PLSCR2: variants seen among roughly 807,000 people sequenced by gnomAD.
PLSCR2 encodes PL scramblase 2.
In PLSCR2, 18 loss-of-function variants were observed where a neutral mutation model predicts 25.3. The ratio of observed to expected loss-of-function variants is 0.71; its 90% CI spans 0.49 to 1.06. The LOEUF (loss-of-function observed/expected upper bound fraction) is 1.06. Ranked by LOEUF, PLSCR2 falls within the 50% of genes least tolerant of loss-of-function variation. The pLI, the probability that PLSCR2 is intolerant of heterozygous loss-of-function variation, is 0.00. For synonymous variants in PLSCR2, 88 were observed against 87.3 expected (o/e 1.01, Z -0.04); for missense variants, 243 against 269.5 (o/e 0.90, Z 0.69).
rs929181304 is a variant in PLSCR2, at chr3:146,449,660, C to T, written c.484-293G>A. ...TATGTTTTATTTATTTGAATTTAAC[C>T]CAAACAAAATTTAAGCAGAAAAGGA... On this transcript the variant is annotated intron_variant, in intron 5 of 6. Transcript: ENST00000610787. 2.4e-4 allele frequency among the ~76,000 whole-genome samples: 36 copies of T among 151,582 alleles called. 1 individual carries two copies. Among genetic ancestry groups the T allele is most frequent in the Non-Finnish European group, 1.0e-4 (7 of 67,906 alleles).
intron 6 of PLSCR2, among the ~76,000 whole-genome samples, chr3:146,446,562 A>C (rs1037504491): frequency 6.6e-6 from 1 of 152,100 alleles, no homozygotes; most frequent in Non-Finnish European, 1.5e-5. Context: ...GTGACACAAA[A>C]ACCCATGTGA....
downstream of PLSCR2, among the ~76,000 whole-genome samples, chr3:146,439,693 G>A (rs2040116475): frequency 1.3e-5 from 2 of 152,046 alleles, no homozygotes; most frequent in East Asian, 1.9e-4. Context: ...AAGGTTTTTA[G>A]CTTCTTTGTG....
intron 2 of PLSCR2, chr3:146,416,587 T>G (rs2108060525): frequency 6.6e-6 from 1 of 152,310 alleles, no homozygotes; most frequent in Admixed American, 6.5e-5. Flanking sequence ...TAAATAGCCA[T>G]AAACTGGATT....
chr3:146,427,686 A>G (rs1208438145), intron 2 of PLSCR2, among the ~76,000 whole-genome samples: 1 of 152,206 alleles, frequency 6.6e-6, no homozygotes, highest in Non-Finnish European at 1.5e-5. Flanking sequence ...TTAGTTTAAA[A>G]GTCACCACCC....
At chr3:146,413,258 A>G (rs1276089813) in intron 2 of PLSCR2, among the ~76,000 whole-genome samples, 1 of 152,252 alleles carries the variant, frequency 6.6e-6, no homozygotes, top group East Asian at 1.9e-4. Flanking sequence ...CTTGATGAAC[A>G]GTACCTGGCT....
intron 2 of PLSCR2, among the ~76,000 whole-genome samples, chr3:146,418,529 G>A (rs1224861110): frequency 1.3e-5 from 2 of 152,106 alleles, no homozygotes; most frequent in Non-Finnish European, 2.9e-5. Context: ...GTTCAAAGAG[G>A]GAGAATATAG....
At chr3:146,435,709 C>T (rs933661040) in intron 8 of PLSCR2, among the ~76,000 whole-genome samples, 5 of 152,030 alleles carry the variant, frequency 3.3e-5, no homozygotes, top group African/African-American at 1.2e-4. Context: ...AAATTTTCTC[C>T]CATTTTGTAG....
chr3:146,408,239 C>A lies in PLSCR2; in HGVS notation c.101-12318G>T, dbSNP rs1283573791. 3.3e-5 allele frequency among the ~76,000 whole-genome samples: 5 copies of A among 152,246 alleles called. No individual in the cohort carries two copies. The East Asian group carries it at 5.8e-4, about 18-fold the overall frequency. On this transcript the variant is annotated intron_variant and NMD_transcript_variant, in intron 2 of 3. Coordinates refer to the PLSCR2 transcript ENST00000463633. ...TCTCTTAGATAAATAGGCCACTGGG[C>A]AACTCTAGGGTCTTAAAGTCTGGAG...
At chr3:146,427,547 T>G (rs2039398036) in intron 2 of PLSCR2, among the ~76,000 whole-genome samples, 1 of 152,178 alleles carries the variant, frequency 6.6e-6, no homozygotes, top group Non-Finnish European at 1.5e-5. Flanking sequence ...GCACCGGCAA[T>G]GCACACAAGA....
downstream of PLSCR2, among the ~76,000 whole-genome samples, chr3:146,429,603 A>C (rs1034215309): frequency 6.6e-6 from 1 of 151,892 alleles, no homozygotes; most frequent in Admixed American, 6.6e-5. Flanking sequence ...GGGAGAAAAG[A>C]AATAACTTAA....
chr3:146,495,940 A>T, upstream of PLSCR2: 1 of 1,533,844 alleles, frequency 6.5e-7, no homozygotes. Context: ...TCGGCCCACA[A>T]TCCAGAGTCT....
At chr3:146,424,748 T>A (rs367983609) in intron 2 of PLSCR2, among the ~76,000 whole-genome samples, 28 of 151,448 alleles carry the variant, frequency 1.8e-4, no homozygotes, top group African/African-American at 6.8e-4. Context: ...GGATGTAAAT[T>A]ATCTCTTTGT....
intron 3 of PLSCR2, among the ~76,000 whole-genome samples, chr3:146,458,032 A>C (rs2041321314): frequency 6.6e-6 from 1 of 152,200 alleles, no homozygotes; most frequent in Non-Finnish European, 1.5e-5. Flanking sequence ...TCTCTAGATT[A>C]CTTATAATAC....
At chr3:146,425,265 G>T (rs972258146) in intron 2 of PLSCR2, among the ~76,000 whole-genome samples, 4 of 152,062 alleles carry the variant, frequency 2.6e-5, no homozygotes, top group African/African-American at 9.7e-5. Context: ...TTAAGAAGCT[G>T]CTACCACATT....
In PLSCR2 at chr3:146,459,758, A is replaced by G. The variant is rs1290555884; in HGVS notation, c.57+90T>C. ...TAATTAATTAATAAGCAGTAAATAA[A>G]TAAGTATCACTTAACCATAATTACT... On this transcript the variant is annotated intron_variant, in intron 2 of 6. Transcript: ENST00000610787. The G allele has an allele frequency of 4.6e-6, 4 of 878,508 alleles. No homozygotes were observed. The Admixed American group carries it at 1.0e-4, about 22-fold the overall frequency. 54.4% of individuals were successfully genotyped at this position (878,508 alleles called of 1,614,324 possible).
chr3:146,448,495 A>C (rs2040695451), intron 6 of PLSCR2, among the ~76,000 whole-genome samples: 1 of 152,176 alleles, frequency 6.6e-6, no homozygotes, highest in African/African-American at 2.4e-5. Flanking sequence ...TTGGTTTAAT[A>C]AATTTGGATG....
intron 2 of PLSCR2, among the ~76,000 whole-genome samples, chr3:146,408,046 A>G (rs1316207439): frequency 6.6e-6 from 1 of 152,178 alleles, no homozygotes; most frequent in African/African-American, 2.4e-5. Flanking sequence ...GGATGCGAGC[A>G]TTTGACATCC....
At chr3:146,450,921 T>C (rs1400322992) in intron 5 of PLSCR2, among the ~76,000 whole-genome samples, 3 of 151,712 alleles carry the variant, frequency 2.0e-5, no homozygotes, top group African/African-American at 4.8e-5. Context: ...AATAATGACA[T>C]GCATATACAG....
At chr3:146,462,067 C>G (rs1274919550), upstream of PLSCR2, 4 of 535,796 alleles carry the variant, frequency 7.5e-6, no homozygotes, top group Non-Finnish European at 1.3e-5. Flanking sequence ...TGAAATAGTT[C>G]TGAAAGAGAC....
Sources: gnomAD v4.1 joint callset for allele counts (sites outside exome capture counted in the v4.1 genomes callset) on GRCh38, gnomAD v4.1.1 for gene constraint, MANE v1.5 for transcripts, NCBI Gene and HGNC (gene_info 2026-07-23, HGNC 2026-07-21) for gene names.